Variants in HSD17B2 observed in about 807,000 individuals in gnomAD.
The protein encoded by HSD17B2 is 17-beta-hydroxysteroid dehydrogenase type 2.
Under a neutral mutation model 26.9 loss-of-function variants are expected in HSD17B2, and 32 were observed. The observed-to-expected ratio is 1.19, with a 90% confidence interval of 0.90 to 1.60. HSD17B2 has a LOEUF of 1.60. HSD17B2 is among the 40% of genes most tolerant of loss of function. The pLI is 0.00. For missense variants in HSD17B2, 613 were observed against 468.6 expected (o/e 1.31, Z -2.85); for synonymous variants, 246 against 186.7 (o/e 1.32, Z -2.59).
chr16:82,062,981 G>A (rs1358714790), intron 1 of HSD17B2: 1 of 152,238 alleles, frequency 6.6e-6, no homozygotes, highest in East Asian at 1.9e-4. Flanking sequence ...ATGACGTCAC[G>A]GTTACAGCCA....
rs560943717 is a variant in HSD17B2 at position 82,035,679 on chromosome 16, C to G, written c.255C>G (p.Val85=). ...QELLPVDQKA[V]LVTGGDCGLG... is the part of the protein sequence containing the mutation. Reference sequence around the variant, plus strand: ...TGTTACCTGTGGATCAGAAGGCAGTCCTGGTGACAGGTAAGCAGACGGTGC... The same window carrying G: ...TGTTACCTGTGGATCAGAAGGCAGTGCTGGTGACAGGTAAGCAGACGGTGC... Residue 85 remains valine, a synonymous_variant, in exon 1 of 5, where the codon GTC becomes GTG. Transcript: ENST00000199936. 8 of 1,613,634 alleles carry G rather than the reference C, an allele frequency of 5.0e-6. No homozygotes were observed. In the African/African-American group the frequency reaches 9.3e-5, roughly 19 times the overall value.
At chr16:82,090,524 G>C (rs1277405698) in intron 3 of HSD17B2, among the ~76,000 whole-genome samples, 1 of 151,798 alleles carries the variant, frequency 6.6e-6, no homozygotes, top group East Asian at 1.9e-4. Flanking sequence ...TCACCATGTT[G>C]GCCAGGTTGG....
chr16:82,087,225 C>T (rs1219244163), intron 3 of HSD17B2, among the ~76,000 whole-genome samples: 1 of 151,878 alleles, frequency 6.6e-6, no homozygotes, highest in Non-Finnish European at 1.5e-5. Flanking sequence ...AACATTGTGC[C>T]AATAGTTAAC....
intron 1 of HSD17B2, among the ~76,000 whole-genome samples, chr16:82,043,714 A>G (rs920442771): frequency 1.3e-5 from 2 of 148,548 alleles, no homozygotes; most frequent in Admixed American, 6.7e-5. Flanking sequence ...AAAAAAAAAA[A>G]TCATATAGAT....
intron 3 of HSD17B2, chr16:82,090,280 T>G: frequency 7.2e-6 from 2 of 276,732 alleles, no homozygotes; most frequent in Non-Finnish European, 1.1e-5. Context: ...GTAGGTGCTC[T>G]TCATCTTACC....
intron 1 of HSD17B2, among the ~76,000 whole-genome samples, chr16:82,047,001 C>T (rs563784081): frequency 6.6e-6 from 1 of 152,320 alleles, no homozygotes; most frequent in African/African-American, 2.4e-5. Context: ...CTTTTTCAGA[C>T]CTGCTCAGCT....
At chr16:82,086,426 A>C (rs1220259626) in intron 3 of HSD17B2, among the ~76,000 whole-genome samples, 1 of 152,216 alleles carries the variant, frequency 6.6e-6, no homozygotes, top group Non-Finnish European at 1.5e-5. Context: ...GGTAACTTCA[A>C]GTCCCTTATT....
intron 3 of HSD17B2, among the ~76,000 whole-genome samples, chr16:82,078,984 C>G (rs1391047765): frequency 1.3e-5 from 2 of 152,006 alleles, no homozygotes; most frequent in African/African-American, 4.8e-5. Context: ...TGACAATAGT[C>G]AATAATAATT....
chr16:82,097,157 T>C (rs1027366970), intron 4 of HSD17B2: 2 of 152,032 alleles, frequency 1.3e-5, no homozygotes, highest in African/African-American at 4.8e-5. Context: ...GTCTCCCGAA[T>C]AGCTGGGACT....
At chr16:82,089,563 C>T (rs1567592936) in intron 3 of HSD17B2, among the ~76,000 whole-genome samples, 1 of 152,172 alleles carries the variant, frequency 6.6e-6, no homozygotes, top group Non-Finnish European at 1.5e-5. Context: ...TCACAAATCA[C>T]CACAAACGGA....
At chr16:82,091,172 G>A (rs571433320) in intron 4 of HSD17B2, 133 bp downstream of exon 4, 1 of 867,136 alleles carries the variant, frequency 1.2e-6, no homozygotes, top group East Asian at 2.4e-5. Flanking sequence ...CAGTTAAAGG[G>A]GTGAAAACAG....
chr16:82,088,666 T>C (rs1256769020), intron 3 of HSD17B2, among the ~76,000 whole-genome samples: 1 of 152,224 alleles, frequency 6.6e-6, no homozygotes, highest in Non-Finnish European at 1.5e-5. Flanking sequence ...TTGGCCTCCC[T>C]TATTAGTAAT....
chr16:82,075,295 G>A (rs1368398248), intron 3 of HSD17B2, among the ~76,000 whole-genome samples: 1 of 151,886 alleles, frequency 6.6e-6, no homozygotes, highest in Non-Finnish European at 1.5e-5. Context: ...CAAAAAACTA[G>A]AAAAGCAAGA....
intron 1 of HSD17B2, among the ~76,000 whole-genome samples, chr16:82,036,903 C>G (rs1003638405): frequency 2.0e-5 from 3 of 152,114 alleles, no homozygotes; most frequent in African/African-American, 7.2e-5. Flanking sequence ...TCTCAATTTT[C>G]CTGTTCTGTG....
At chr16:82,075,275 T>C (rs561867179) in intron 3 of HSD17B2, among the ~76,000 whole-genome samples, 2 of 152,042 alleles carry the variant, frequency 1.3e-5, no homozygotes, top group Admixed American at 6.5e-5. Context: ...AAAAACCTAG[T>C]GATGCATCTC....
At chr16:82,049,500 T>C (rs1157552572) in intron 1 of HSD17B2, among the ~76,000 whole-genome samples, 2 of 152,236 alleles carry the variant, frequency 1.3e-5, no homozygotes, top group African/African-American at 4.8e-5. Context: ...CCTTGAAGAA[T>C]AGGCCAGGTC....
At chr16:82,084,922 C>T (rs2142362196) in intron 3 of HSD17B2, among the ~76,000 whole-genome samples, 1 of 152,286 alleles carries the variant, frequency 6.6e-6, no homozygotes, top group South Asian at 2.1e-4. Context: ...TGGGGTCTCA[C>T]TTTGTTGCCT....
intron 1 of HSD17B2, among the ~76,000 whole-genome samples, chr16:82,056,217 A>C (rs1914262314): frequency 6.6e-6 from 1 of 152,210 alleles, no homozygotes; most frequent in African/African-American, 2.4e-5. Flanking sequence ...ACTTAGATAA[A>C]ACCTTAGATA....
intron 3 of HSD17B2, among the ~76,000 whole-genome samples, chr16:82,074,578 G>A (rs1331170340): frequency 6.6e-6 from 1 of 152,084 alleles, no homozygotes; most frequent in African/African-American, 2.4e-5. Flanking sequence ...TAGATTTCAA[G>A]ATCAAAACCG....
Sources: allele counts gnomAD v4.1 joint callset (sites outside exome capture counted in the v4.1 genomes callset), GRCh38; gene constraint gnomAD v4.1.1; transcripts MANE v1.5; gene names NCBI Gene and HGNC (gene_info 2026-07-23, HGNC 2026-07-21).